Variants in MALRD1 observed in about 807,000 individuals in gnomAD.
MALRD1 encodes the protein MAM and LDL-receptor class A domain-containing protein 1.
MALRD1 carries 247 observed loss-of-function variants against 242.1 expected under a neutral mutation model. The observed-to-expected ratio is 1.02, with a 90% CI of 0.92 to 1.13. The LOEUF is 1.13. Ranked by LOEUF, MALRD1 falls within the 50% of genes most tolerant of loss-of-function variation. MALRD1 has a pLI of 0.00. For missense variants in MALRD1, 2,989 were observed against 2,533.1 expected, an observed-to-expected ratio of 1.18 and a Z score of -3.86; for synonymous variants, 995 against 866.6, an observed-to-expected ratio of 1.15 and a Z score of -2.60.
chr10:19,275,072 G>C (rs1840445017), intron 19 of MALRD1, among the ~76,000 whole-genome samples: 1 of 151,878 alleles, frequency 6.6e-6, no homozygotes, highest in Admixed American at 6.6e-5. Flanking sequence ...TTATAGAAAG[G>C]TTTTCTTTCT....
intron 38 of MALRD1, among the ~76,000 whole-genome samples, chr10:19,704,450 G>A (rs947391112): frequency 3.9e-5 from 6 of 152,170 alleles, no homozygotes; most frequent in African/African-American, 1.4e-4. Context: ...ATAAGGGCAT[G>A]AGGGGGCCAT....
At chr10:19,560,233 C>T (rs924397860) in intron 32 of MALRD1, among the ~76,000 whole-genome samples, 8 of 152,156 alleles carry the variant, frequency 5.3e-5, no homozygotes, top group African/African-American at 1.7e-4. Context: ...CTTTGGGAGG[C>T]TGAGGTGGGT....
chr10:19,647,929 G>A (rs1422695324), intron 36 of MALRD1, among the ~76,000 whole-genome samples: 1 of 152,140 alleles, frequency 6.6e-6, no homozygotes, highest in East Asian at 1.9e-4. Context: ...CAGGAGGTAA[G>A]TCCCATGATT....
chr10:19,149,919 A>G (rs1458751448), intron 11 of MALRD1, among the ~76,000 whole-genome samples: 1 of 152,214 alleles, frequency 6.6e-6, no homozygotes, highest in Non-Finnish European at 1.5e-5. Flanking sequence ...AATGTCTTGA[A>G]AATGGAATCA....
chr10:19,466,302 T>G (rs1564366345), intron 29 of MALRD1, among the ~76,000 whole-genome samples: 1 of 152,194 alleles, frequency 6.6e-6, no homozygotes. Flanking sequence ...GTAATTTTGA[T>G]GAAAATTTTT....
At chr10:19,410,455 T>C (rs1275574061) in intron 28 of MALRD1, among the ~76,000 whole-genome samples, 1 of 152,186 alleles carries the variant, frequency 6.6e-6, no homozygotes, top group Non-Finnish European at 1.5e-5. Context: ...GGAATGAAGC[T>C]GTAGTCAGGC....
Position 19,324,088 on chromosome 10 carries a change from A to G in MALRD1, c.3559A>G (p.Thr1187Ala). ...GTTCTGGACACATATGAATGGGGCC[A>G]CCGTTGGTTCTCTCCAGGTACTGCT... ...LVFWTHMNGA[T>A]VGSLQVLIKK... Residue 1187 changes from threonine to alanine, a missense_variant, in exon 22 of 40, where the codon ACC becomes GCC. Thr to Ala is a moderately conservative substitution (Grantham distance 58). Transcript: ENST00000454679. 6.5e-7 allele frequency: 1 copy of G among 1,550,286 alleles called. No individual in the cohort carries two copies. The highest frequency in any genetic ancestry group is 8.7e-7 in the Non-Finnish European group (1 of 1,146,736).
intron 31 of MALRD1, among the ~76,000 whole-genome samples, chr10:19,510,251 T>C (rs61841373): frequency 0.097 from 14,692 of 152,172 alleles, 727 homozygotes; most frequent in South Asian, 0.11. Flanking sequence ...GACATTCCAT[T>C]GCCAAGGGAG....
chr10:19,065,339 A>G (rs1245700351), intron 1 of MALRD1, among the ~76,000 whole-genome samples: 1 of 150,934 alleles, frequency 6.6e-6, no homozygotes, highest in East Asian at 2.0e-4. Context: ...AAAGCAAGCG[A>G]GAAAGAAAGA....
chr10:19,717,508 A>G (rs1237747629), intron 38 of MALRD1, among the ~76,000 whole-genome samples: 1 of 152,198 alleles, frequency 6.6e-6, no homozygotes, highest in Non-Finnish European at 1.5e-5. Flanking sequence ...ATCAGTGTAA[A>G]TGTCATCCCA....
At chr10:19,095,098 T>C (rs550696941) in intron 4 of MALRD1, among the ~76,000 whole-genome samples, 1 of 152,344 alleles carries the variant, frequency 6.6e-6, no homozygotes, top group African/African-American at 2.4e-5. Flanking sequence ...ATATAAATCA[T>C]ATCATTTGTT....
At chr10:19,240,878 C>A (rs1210300288) in intron 18 of MALRD1, among the ~76,000 whole-genome samples, 2 of 151,998 alleles carry the variant, frequency 1.3e-5, no homozygotes, top group Non-Finnish European at 2.9e-5. Context: ...CTGATTTGTG[C>A]ATGTTAAGCC....
intron 4 of MALRD1, among the ~76,000 whole-genome samples, chr10:19,091,474 C>G (rs1222941750): frequency 3.0e-5 from 1 of 33,676 alleles, no homozygotes; most frequent in African/African-American, 1.6e-4. Context: ...TTTGATTCTT[C>G]TCTCTTTTTT....
intron 33 of MALRD1, among the ~76,000 whole-genome samples, chr10:19,589,648 C>A (rs1394575039): frequency 6.6e-6 from 1 of 152,070 alleles, no homozygotes; most frequent in Non-Finnish European, 1.5e-5. Context: ...AACAAACAAC[C>A]CTAAGATATA....
intron 24 of MALRD1, among the ~76,000 whole-genome samples, chr10:19,341,757 G>A (rs964133456): frequency 2.0e-5 from 3 of 151,890 alleles, no homozygotes; most frequent in East Asian, 1.9e-4. Context: ...CAAGCCAAAC[G>A]ATATGCGATG....
chr10:19,676,967 C>T (rs982458769), intron 36 of MALRD1, among the ~76,000 whole-genome samples: 11 of 152,136 alleles, frequency 7.2e-5, no homozygotes, highest in Non-Finnish European at 1.3e-4. Context: ...GCTTCCAGCT[C>T]CATCCATGTC....
chr10:19,327,659 C>T lies in MALRD1; in HGVS notation c.3673C>T (p.Arg1225Cys), dbSNP rs754452391. 15 of 1,548,974 alleles carry T rather than the reference C, an allele frequency of 9.7e-6. No homozygotes were observed. The highest frequency in any genetic ancestry group is 2.7e-5 in the African/African-American group (2 of 72,978). Residue 1225 changes from arginine (R) to cysteine (C), a missense_variant, in exon 23 of 40, where the codon CGT becomes TGT. Coordinates refer to ENST00000454679, the MANE Select transcript of MALRD1 (RefSeq NM_001142308.3). ...WKRAEVFLGI[R>C]SHTQIVFRAK... The stretch of plus-strand genomic sequence containing the variant: ...GAGAGCAGAAGTGTTTTTAGGCATT[C>T]GTTCACATACACAGGTGTGTAATAC...
At chr10:19,361,158 G>A (rs1297023029) in intron 26 of MALRD1, among the ~76,000 whole-genome samples, 3 of 152,018 alleles carry the variant, frequency 2.0e-5, no homozygotes, top group African/African-American at 7.2e-5. Flanking sequence ...CTATTTCCCA[G>A]TCTCTGTTAT....
In MALRD1 at chr10:19,327,636, G is replaced by A. The variant is rs1244401669; in HGVS notation, c.3650G>A (p.Arg1217Lys). 1.9e-6 allele frequency: 3 copies of A among 1,549,856 alleles called. No individual in the cohort carries two copies. The highest frequency in any genetic ancestry group is 1.2e-5 in the South Asian group (1 of 84,032). Residue 1217 changes from arginine (R) to lysine (K), a missense_variant, in exon 23 of 40, where the codon AGA becomes AAA. Transcript: ENST00000454679. The part of the protein sequence containing the change: ...QTGQQGAQWK[R>K]AEVFLGIRSH... ...GGACAGCAAGGTGCACAGTGGAAGA[G>A]AGCAGAAGTGTTTTTAGGCATTCGT...
Sources: allele counts gnomAD v4.1 joint callset (sites outside exome capture counted in the v4.1 genomes callset), GRCh38; gene constraint gnomAD v4.1.1; transcripts MANE v1.5; gene names NCBI Gene and HGNC (gene_info 2026-07-23, HGNC 2026-07-21).